The following DPP6 variants were observed in gnomAD, a reference collection of about 807,000 sequenced individuals.
The protein encoded by DPP6 is dipeptidyl peptidase like 6, also known as A-type potassium channel modulatory protein DPP6.
Under a neutral mutation model 122.6 loss-of-function variants are expected in DPP6, and 69 were observed. The observed-to-expected ratio is 0.56, with a 90% CI of 0.46 to 0.69. The LOEUF (loss-of-function observed/expected upper bound fraction) is 0.69. DPP6 is among the 30% of genes least tolerant of loss of function. The pLI is 0.00. For synonymous variants in DPP6, 418 were observed against 433.1 expected (o/e 0.97, Z 0.43); for missense variants, 928 against 1,116.9 (o/e 0.83, Z 2.41).
intron 10 of DPP6, among the ~76,000 whole-genome samples, chr7:154,776,722 A>G (rs944468431): frequency 6.6e-6 from 1 of 152,162 alleles, no homozygotes; most frequent in African/African-American, 2.4e-5. Context: ...TTGTGCTGGT[A>G]CCTTTCTAAG....
intron 1 of DPP6, among the ~76,000 whole-genome samples, chr7:154,416,499 T>A (rs35102596): frequency 6.6e-6 from 1 of 152,188 alleles, no homozygotes; most frequent in African/African-American, 2.4e-5. Flanking sequence ...CAGTACATTG[T>A]TATACATGTT....
At chr7:153,985,875 CTT>C (rs1340598724) in intron 1 of DPP6, among the ~76,000 whole-genome samples, 3 of 152,182 alleles carry the variant, frequency 2.0e-5, no homozygotes, top group Admixed American at 2.0e-4. Flanking sequence ...AAAGAAAACT[CTT>C]TATTTCAAAT....
intron 1 of DPP6, among the ~76,000 whole-genome samples, chr7:154,350,686 C>A (rs888666079): frequency 7.2e-5 from 11 of 152,172 alleles, no homozygotes; most frequent in Non-Finnish European, 1.6e-4. Flanking sequence ...ATGGGACTAT[C>A]AGGTTCAACT....
the DPP6 span, among the ~76,000 whole-genome samples, chr7:153,830,935 C>A: frequency 6.6e-6 from 1 of 152,176 alleles, no homozygotes; most frequent in Non-Finnish European, 1.5e-5. Flanking sequence ...ATTTGATTCA[C>A]TTAGCGTCCA....
At chr7:154,536,664 G>A (rs910576618) in intron 3 of DPP6, among the ~76,000 whole-genome samples, 1 of 152,054 alleles carries the variant, frequency 6.6e-6, no homozygotes. Context: ...ACTCATAAGG[G>A]AAAATTTCCA....
At chr7:154,856,847 A>G (rs973739335) in intron 17 of DPP6, among the ~76,000 whole-genome samples, 3 of 152,252 alleles carry the variant, frequency 2.0e-5, no homozygotes, top group African/African-American at 7.2e-5. Context: ...AGAAATAAAA[A>G]GCACTGTGCA....
intron 1 of DPP6, among the ~76,000 whole-genome samples, chr7:154,290,275 G>A (rs1805119505): frequency 6.6e-6 from 1 of 152,100 alleles, no homozygotes; most frequent in African/African-American, 2.4e-5. Flanking sequence ...TTAATTTTAA[G>A]TTTTTATTCA....
At chr7:154,353,656 C>A (rs1179543777) in intron 1 of DPP6, among the ~76,000 whole-genome samples, 1 of 152,076 alleles carries the variant, frequency 6.6e-6, no homozygotes. Context: ...TAAACTTGAA[C>A]TCCAGCCAAA....
At chr7:154,537,901 A>G (rs1828392772) in intron 3 of DPP6, among the ~76,000 whole-genome samples, 1 of 152,138 alleles carries the variant, frequency 6.6e-6, no homozygotes, top group African/African-American at 2.4e-5. Flanking sequence ...ACTGGTATCC[A>G]TTGTAATATA....
chr7:154,237,173 T>A (rs541936110), intron 1 of DPP6, among the ~76,000 whole-genome samples: 2 of 152,082 alleles, frequency 1.3e-5, no homozygotes, highest in Admixed American at 1.3e-4. Flanking sequence ...AGGGGCAGAG[T>A]TTAGGGGCAG....
At chr7:153,764,331 C>A in the DPP6 span, among the ~76,000 whole-genome samples, 1 of 150,082 alleles carries the variant, frequency 6.7e-6, no homozygotes, top group East Asian at 1.9e-4. Flanking sequence ...CTAGTCCTCC[C>A]TGGCCTGTTC....
intron 1 of DPP6, among the ~76,000 whole-genome samples, chr7:154,354,709 G>A (rs983780332): frequency 4.6e-5 from 7 of 152,318 alleles, no homozygotes; most frequent in Admixed American, 6.5e-5. Context: ...CGCCTCACAT[G>A]TAGTACTGGT....
At chr7:154,044,275 G>A (rs1799910025) in intron 1 of DPP6, among the ~76,000 whole-genome samples, 1 of 152,208 alleles carries the variant, frequency 6.6e-6, no homozygotes, top group South Asian at 2.1e-4. Flanking sequence ...TTTATGAGAA[G>A]GAAATTGTTC....
intron 10 of DPP6, among the ~76,000 whole-genome samples, chr7:154,790,900 A>T (rs1430491428): frequency 1.3e-5 from 2 of 151,956 alleles, no homozygotes; most frequent in African/African-American, 4.8e-5. Flanking sequence ...CACTCACTTT[A>T]TGTAACTGGT....
chr7:154,561,052 G>A (rs1830392239), intron 4 of DPP6, among the ~76,000 whole-genome samples: 2 of 152,108 alleles, frequency 1.3e-5, no homozygotes, highest in South Asian at 4.1e-4. Context: ...TTATTAAGAA[G>A]ACTTAAGAAT....
chr7:153,758,432 C>G, the DPP6 span, among the ~76,000 whole-genome samples: 4,122 of 144,250 alleles, frequency 0.029, no homozygotes, highest in African/African-American at 0.11. Flanking sequence ...ATGTGCATAC[C>G]CGTGAAAACG....
rs150739544 is a variant in DPP6, at chr7:154,146,501, G to A, written c.243+93438G>A. ...ACAGTGAGTCCGGCAACCAACCCTC[G>A]CTGATTCTTTCCCTCCCTCCCTGCC... On this transcript the variant is annotated intron_variant, in intron 1 of 25. Transcript: ENST00000377770. Among the ~76,000 whole-genome samples the A allele has an allele frequency of 3.4e-3, 523 of 152,134 alleles. 2 individuals carry two copies. The highest frequency in any genetic ancestry group is 0.011 in the African/African-American group (464 of 41,540).
At position 154,134,446 on chromosome 7, in the gene DPP6, C is replaced by T. The variant is rs531927104; in HGVS notation, c.243+81383C>T. Among the ~76,000 whole-genome samples the T allele has an allele frequency of 4.3e-3, 647 of 152,218 alleles. 8 individuals carry two copies. Among genetic ancestry groups the T allele is most frequent in the African/African-American group, 0.015 (606 of 41,552 alleles). ...CCCACAGGGAAGGAAGAAGACATGG[C>T]GGGGACATGGCCTGACTCCCGATGT... On this transcript the variant is annotated intron_variant, in intron 1 of 25. Transcript: ENST00000377770.
chr7:154,345,516 T>C (rs1249643586), intron 1 of DPP6, among the ~76,000 whole-genome samples: 3 of 152,044 alleles, frequency 2.0e-5, no homozygotes, highest in Non-Finnish European at 4.4e-5. Context: ...GGCATCCTAC[T>C]GGTCTGGGAA....
Sources: allele counts gnomAD v4.1 joint callset (sites outside exome capture counted in the v4.1 genomes callset), GRCh38; gene constraint gnomAD v4.1.1; transcripts MANE v1.5; gene names NCBI Gene and HGNC (gene_info 2026-07-23, HGNC 2026-07-21).